SRBD1: variants seen among roughly 807,000 people sequenced by gnomAD.
SRBD1 encodes S1 RNA-binding domain-containing protein 1.
SRBD1 carries 88 observed loss-of-function variants against 115.3 expected under a neutral mutation model. The observed-to-expected ratio is 0.76, with a 90% CI of 0.64 to 0.91. The LOEUF (loss-of-function observed/expected upper bound fraction) is 0.91. Ranked by LOEUF, SRBD1 falls within the 40% of genes least tolerant of loss-of-function variation. The probability of loss-of-function intolerance (pLI) is 0.00; values close to 1 mark genes in which losing one functional copy is unlikely to be tolerated. For missense variants in SRBD1, 1,385 were observed against 1,177.4 expected (o/e 1.18, Z -2.58); for synonymous variants, 509 against 407.7 (o/e 1.25, Z -2.99).
chr2:45,476,701 T>C (rs1669813342), intron 16 of SRBD1, among the ~76,000 whole-genome samples: 1 of 152,208 alleles, frequency 6.6e-6, no homozygotes, highest in African/African-American at 2.4e-5. Context: ...ATAATAATGT[T>C]AAAAGAAGAG....
chr2:45,610,036 T>C (rs1035029794), intron 1 of SRBD1, among the ~76,000 whole-genome samples: 1 of 152,190 alleles, frequency 6.6e-6, no homozygotes, highest in East Asian at 1.9e-4. Context: ...ATGCCACACA[T>C]TGCATTCATC....
Position 45,546,753 on chromosome 2 carries a change from G to A in SRBD1, c.1853C>T (p.Ala618Val), listed in dbSNP as rs755546580. 8 of 1,613,922 alleles carry A rather than the reference G, an allele frequency of 5.0e-6. No homozygotes were observed. The East Asian group carries it at 6.7e-5, about 13-fold the overall frequency. The change falls in exon 14 of 21, where the codon GCA becomes GTA. Residue 618 changes from alanine (A) to valine (V), a missense_variant. Transcript: ENST00000263736. Reference protein sequence around the residue: ...FADLIMKNYFAPLDVVYCIVS... With the variant: ...FADLIMKNYFVPLDVVYCIVS... ...TTACCAGTAAACAACATCCAGTGGTGCAAAATAATTCTTCATTATCAGGTC... is the reference window on the plus strand; with the variant it reads ...TTACCAGTAAACAACATCCAGTGGTACAAAATAATTCTTCATTATCAGGTC...
chr2:45,536,470 T>C (rs919173743), intron 14 of SRBD1, among the ~76,000 whole-genome samples: 10 of 152,118 alleles, frequency 6.6e-5, no homozygotes, highest in Non-Finnish European at 1.3e-4. Context: ...CTCTTTTCCA[T>C]AAAATTTTGT....
intron 16 of SRBD1, among the ~76,000 whole-genome samples, chr2:45,420,695 G>A (rs34269518): frequency 0.037 from 5,601 of 152,110 alleles, 185 homozygotes; most frequent in Admixed American, 0.094. Flanking sequence ...AAAATCATAG[G>A]TGTCAAGGTT....
intron 20 of SRBD1, among the ~76,000 whole-genome samples, chr2:45,390,067 T>C (rs1345199128): frequency 6.6e-6 from 1 of 152,224 alleles, no homozygotes; most frequent in Admixed American, 6.5e-5. Context: ...TGGCCAAATG[T>C]GGATGAAATT....
At chr2:45,512,011 T>A (rs898685997) in intron 14 of SRBD1, among the ~76,000 whole-genome samples, 2 of 152,224 alleles carry the variant, frequency 1.3e-5, no homozygotes, top group African/African-American at 4.8e-5. Flanking sequence ...CATGGCTACG[T>A]GATTTGCTTT....
At chr2:45,590,669 A>G (rs1673692489) in intron 4 of SRBD1, among the ~76,000 whole-genome samples, 1 of 152,136 alleles carries the variant, frequency 6.6e-6, no homozygotes, top group Non-Finnish European at 1.5e-5. Context: ...CCCTTCCGCC[A>G]TGATTGTAAG....
At position 45,600,424 on chromosome 2, in the gene SRBD1, A is replaced by T. The variant is rs887728206; in HGVS notation, c.262-589T>A. On this transcript the variant is annotated intron_variant, in intron 3 of 20. Coordinates refer to ENST00000263736, the MANE Select transcript of SRBD1 (RefSeq NM_018079.5). ...AAAAATGAGTAAAGGATAGGTCTAC[A>T]CATGCCAGAAAACCAAGATTAAAAC... Among the ~76,000 whole-genome samples, 9 of 152,366 alleles carry T rather than the reference A, an allele frequency of 5.9e-5. No individual in the cohort carries two copies. In the East Asian group the frequency reaches 1.2e-3, roughly 20 times the overall value.
intron 14 of SRBD1, among the ~76,000 whole-genome samples, chr2:45,516,109 C>T (rs1249649188): frequency 1.3e-5 from 2 of 152,084 alleles, no homozygotes; most frequent in Non-Finnish European, 2.9e-5. Context: ...TTCAAAGTGC[C>T]AGGAACTGTG....
chr2:45,607,335 C>T (rs1041672258), intron 1 of SRBD1, among the ~76,000 whole-genome samples: 26 of 152,118 alleles, frequency 1.7e-4, no homozygotes, highest in Non-Finnish European at 3.5e-4. Flanking sequence ...ACTAGCTATT[C>T]CTCTAGAAGA....
At chr2:45,602,263 G>A (rs1674119176) in intron 2 of SRBD1, among the ~76,000 whole-genome samples, 180 bp from the exon 3 acceptor site, 1 of 152,144 alleles carries the variant, frequency 6.6e-6, no homozygotes, top group Non-Finnish European at 1.5e-5. Context: ...GTTGATGACG[G>A]ACCAGTATAA....
chr2:45,547,060 T>C (rs1291881191), intron 13 of SRBD1, among the ~76,000 whole-genome samples: 1 of 152,182 alleles, frequency 6.6e-6, no homozygotes, highest in Non-Finnish European at 1.5e-5. Context: ...TATTTTACTG[T>C]CACACTATCT....
chr2:45,410,404 G>A (rs1371909172), intron 19 of SRBD1, among the ~76,000 whole-genome samples: 1 of 152,086 alleles, frequency 6.6e-6, no homozygotes, highest in Non-Finnish European at 1.5e-5. Flanking sequence ...GAAAACAAAG[G>A]TCAAAGACAA....
intron 19 of SRBD1, among the ~76,000 whole-genome samples, chr2:45,405,310 T>C (rs1305056502): frequency 1.3e-5 from 2 of 152,176 alleles, no homozygotes; most frequent in Non-Finnish European, 2.9e-5. Context: ...TAACTATTCA[T>C]TACTGAGCCT....
chr2:45,555,970 T>C (rs1052859377), intron 10 of SRBD1, among the ~76,000 whole-genome samples: 8 of 152,140 alleles, frequency 5.3e-5, no homozygotes, highest in Non-Finnish European at 1.2e-4. Flanking sequence ...TTAATTAATA[T>C]TACCTTAAGG....
intron 15 of SRBD1, among the ~76,000 whole-genome samples, chr2:45,485,525 A>G (rs934759983): frequency 2.0e-5 from 3 of 152,190 alleles, no homozygotes; most frequent in African/African-American, 7.2e-5. Context: ...AGACAGTTTA[A>G]TATCATCCAT....
chr2:45,551,316 T>C (rs1190997244), intron 11 of SRBD1, 34 bp from the exon 12 acceptor site: 8 of 1,570,152 alleles, frequency 5.1e-6, no homozygotes, highest in Non-Finnish European at 6.9e-6. Flanking sequence ...AAGTTTTTCA[T>C]TCACCCAAAT....
intron 3 of SRBD1, among the ~76,000 whole-genome samples, chr2:45,600,588 A>G (rs1674061511): frequency 6.6e-6 from 1 of 152,124 alleles, no homozygotes; most frequent in East Asian, 1.9e-4. Flanking sequence ...AATGTCAGGC[A>G]TTTTTCTTTA....
chr2:45,458,041 T>G (rs1184565296), intron 16 of SRBD1, among the ~76,000 whole-genome samples: 1 of 152,054 alleles, frequency 6.6e-6, no homozygotes, highest in Non-Finnish European at 1.5e-5. Flanking sequence ...AATTAATTTA[T>G]GTAATGTCTT....
Sources: allele counts gnomAD v4.1 joint callset (sites outside exome capture counted in the v4.1 genomes callset), GRCh38; gene constraint gnomAD v4.1.1; transcripts MANE v1.5; gene names NCBI Gene and HGNC (gene_info 2026-07-23, HGNC 2026-07-21).